Variants in CDH12 observed in about 807,000 individuals in gnomAD.
CDH12 encodes the protein cadherin 12.
In CDH12, 41 loss-of-function variants were observed where a neutral mutation model predicts 74.1. That is an observed-to-expected ratio of 0.55 (90% CI 0.43 to 0.72). The LOEUF (loss-of-function observed/expected upper bound fraction) is 0.72. Among genes scored for constraint, CDH12 ranks in the 30% least tolerant of loss-of-function variants. The probability of loss-of-function intolerance (pLI) is 0.00; values close to 1 mark genes in which losing one functional copy is unlikely to be tolerated. For synonymous variants in CDH12, 399 were observed against 355.0 expected (o/e 1.12, Z -1.39); for missense variants, 945 against 977.2 (o/e 0.97, Z 0.44).
At chr5:22,590,665 T>A (rs1191890643) in intron 1 of CDH12, among the ~76,000 whole-genome samples, 2 of 152,214 alleles carry the variant, frequency 1.3e-5, no homozygotes, top group African/African-American at 4.8e-5. Flanking sequence ...GAATGCAAAT[T>A]AAATTACTGT....
intron 5 of CDH12, among the ~76,000 whole-genome samples, chr5:22,000,464 A>G (rs1004776114): frequency 5.9e-5 from 9 of 152,148 alleles, no homozygotes; most frequent in Non-Finnish European, 7.3e-5. Context: ...GAGCAGGAGG[A>G]CTCAACTTTG....
chr5:21,873,870 A>G (rs1751781572), intron 6 of CDH12, among the ~76,000 whole-genome samples: 1 of 88 alleles, frequency 0.011, no homozygotes, highest in South Asian at 0.25. Flanking sequence ...AAGTGAGAAC[A>G]TGCGGTTACT....
chr5:22,027,857 C>A (rs1425046217), intron 5 of CDH12, among the ~76,000 whole-genome samples: 2 of 152,078 alleles, frequency 1.3e-5, no homozygotes, highest in Non-Finnish European at 2.9e-5. Flanking sequence ...CTTCTGCTAG[C>A]TTTCGAATGT....
intron 2 of CDH12, among the ~76,000 whole-genome samples, chr5:22,472,100 G>T (rs1472135987): frequency 6.6e-6 from 1 of 152,066 alleles, no homozygotes. Context: ...ATATGTCAAG[G>T]GTGGAAGACT....
chr5:22,434,452 A>C (rs1384438263), intron 2 of CDH12, among the ~76,000 whole-genome samples: 3 of 152,100 alleles, frequency 2.0e-5, no homozygotes, highest in African/African-American at 7.2e-5. Flanking sequence ...TTGAGTTACT[A>C]GATATTTCCA....
intron 3 of CDH12, among the ~76,000 whole-genome samples, chr5:22,233,255 T>C (rs1249802174): frequency 4.0e-5 from 6 of 151,838 alleles, no homozygotes; most frequent in Non-Finnish European, 7.4e-5. Flanking sequence ...ATTAACAATA[T>C]TGAGTTTTTC....
At chr5:21,801,053 G>C (rs771960267) in intron 10 of CDH12, among the ~76,000 whole-genome samples, 1 of 152,146 alleles carries the variant, frequency 6.6e-6, no homozygotes, top group African/African-American at 2.4e-5. Context: ...GTTAATGGAT[G>C]GTAGCAGCTA....
intron 6 of CDH12, among the ~76,000 whole-genome samples, chr5:21,969,202 T>C (rs1455569604): frequency 6.6e-6 from 1 of 151,886 alleles, no homozygotes; most frequent in African/African-American, 2.4e-5. Context: ...CTAGACTTGA[T>C]TTAGATGAAA....
At chr5:22,075,157 G>A in intron 5 of CDH12, among the ~76,000 whole-genome samples, 1 of 151,958 alleles carries the variant, frequency 6.6e-6, no homozygotes, top group East Asian at 1.9e-4. Flanking sequence ...CATGTCCTTT[G>A]TAGGGACATG....
intron 1 of CDH12, among the ~76,000 whole-genome samples, chr5:22,600,775 G>A (rs910101933): frequency 6.6e-6 from 1 of 151,800 alleles, no homozygotes; most frequent in African/African-American, 2.4e-5. Flanking sequence ...TAATCGAATG[G>A]AATAAGCTGA....
intron 4 of CDH12, among the ~76,000 whole-genome samples, chr5:22,199,135 C>T (rs1469978488): frequency 2.0e-5 from 3 of 152,156 alleles, no homozygotes; most frequent in Admixed American, 6.5e-5. Context: ...ACTCAGATTC[C>T]TCCAAATATG....
intron 1 of CDH12, among the ~76,000 whole-genome samples, chr5:22,635,885 C>T (rs1307296463): frequency 6.6e-6 from 1 of 151,720 alleles, no homozygotes; most frequent in Non-Finnish European, 1.5e-5. Flanking sequence ...ACTGCTCCAG[C>T]CTGGGCCACA....
intron 3 of CDH12, among the ~76,000 whole-genome samples, chr5:22,269,026 T>C (rs910668679): frequency 1.3e-5 from 2 of 152,096 alleles, no homozygotes; most frequent in African/African-American, 4.8e-5. Context: ...TTTATGAACC[T>C]GGACAAATTT....
intron 4 of CDH12, among the ~76,000 whole-genome samples, chr5:22,102,961 G>C (rs993923092): frequency 1.1e-4 from 17 of 151,608 alleles, no homozygotes; most frequent in African/African-American, 4.1e-4. Flanking sequence ...GCATCCCAGA[G>C]TGAGGAACAG....
At chr5:22,338,419 G>A (rs1056081160) in intron 3 of CDH12, among the ~76,000 whole-genome samples, 3 of 152,048 alleles carry the variant, frequency 2.0e-5, no homozygotes, top group African/African-American at 7.2e-5. Flanking sequence ...GACTACCAGA[G>A]GCTGGGAAGG....
rs967600487 is a variant in CDH12 at position 22,273,033 on chromosome 5, T to G, written c.-332-60390A>C. On this transcript the variant is annotated intron_variant, in intron 3 of 14. Coordinates refer to ENST00000382254, the MANE Select transcript of CDH12 (RefSeq NM_004061.5). ...CTCTTGTGTGACTCACTCACTATCA[T>G]GAGAACAGCATGACAGAACCACCTC... 2.6e-5 allele frequency among the ~76,000 whole-genome samples: 4 copies of G among 152,238 alleles called. No homozygotes were observed. The South Asian group carries it at 8.3e-4, about 32-fold the overall frequency.
At chr5:21,905,251 A>C (rs1219566047) in intron 6 of CDH12, among the ~76,000 whole-genome samples, 1 of 152,218 alleles carries the variant, frequency 6.6e-6, no homozygotes, top group East Asian at 1.9e-4. Context: ...TGTTTTTAAA[A>C]CTCAAACTAT....
intron 2 of CDH12, 97 bp downstream of exon 2, chr5:22,505,173 A>T (rs755531645): frequency 6.5e-5 from 14 of 215,860 alleles, no homozygotes; most frequent in African/African-American, 1.2e-4. Flanking sequence ...TTTCTAATAA[A>T]TTTTTTTAAG....
chr5:21,905,388 A>G (rs1375266665), intron 6 of CDH12, among the ~76,000 whole-genome samples: 1 of 152,244 alleles, frequency 6.6e-6, no homozygotes, highest in African/African-American at 2.4e-5. Context: ...ATGCTTGCTA[A>G]GCAGACTCTT....
Sources: allele counts gnomAD v4.1 joint callset (sites outside exome capture counted in the v4.1 genomes callset), GRCh38; gene constraint gnomAD v4.1.1; transcripts MANE v1.5; gene names NCBI Gene and HGNC (gene_info 2026-07-23, HGNC 2026-07-21).